The following ZNF451 variants were observed in gnomAD, a reference collection of about 807,000 sequenced individuals.
The protein encoded by ZNF451 is E3 SUMO-protein ligase ZNF451.
Under a neutral mutation model 107.1 loss-of-function variants are expected in ZNF451, and 80 were observed. The observed-to-expected ratio is 0.75, with a 90% CI of 0.62 to 0.90. The LOEUF (loss-of-function observed/expected upper bound fraction) is 0.90, where lower values mean the gene tolerates loss of function less well. ZNF451 is among the 40% of genes least tolerant of loss of function. The pLI, the probability that ZNF451 is intolerant of heterozygous loss-of-function variation, is 0.00. For missense variants in ZNF451, 1,107 were observed against 1,236.2 expected, an observed-to-expected ratio of 0.90 and a Z score of 1.57; for synonymous variants, 362 against 406.5, an observed-to-expected ratio of 0.89 and a Z score of 1.32.
chr6:57,093,525 C>T (rs181601775), intron 2 of ZNF451, among the ~76,000 whole-genome samples: 1 of 152,292 alleles, frequency 6.6e-6, no homozygotes, highest in East Asian at 1.9e-4. Flanking sequence ...ATTTGAAATA[C>T]ATCCTACCCT....
At chr6:57,090,371 G>C (rs1829005250) in intron 1 of ZNF451, 97 bp downstream of exon 1, 6 of 1,545,172 alleles carry the variant, frequency 3.9e-6, no homozygotes, top group Admixed American at 3.9e-5. Context: ...TCGCAGCCTC[G>C]GGGCGATACC....
chr6:57,103,734 T>C (rs892013444), intron 3 of ZNF451: 5 of 985,380 alleles, frequency 5.1e-6, no homozygotes, highest in Non-Finnish European at 6.0e-6. Context: ...GCTAATGGAA[T>C]ATGGCACTGT....
chr6:57,148,428 T>TGAG lies in ZNF451; in HGVS notation c.2350_2352dup (p.Glu784dup), dbSNP rs771994889. On this transcript the variant is annotated inframe_insertion, in exon 10 of 15. Coordinates refer to ENST00000370706, the MANE Select transcript of ZNF451 (RefSeq NM_001031623.3). The stretch of plus-strand genomic sequence containing the variant: ...ATCAAGTGCACAAAGAAAAGAGTGA[T>TGAG]GAGGAGGAGCAGCAGTATGTAATCA... 6.2e-7 allele frequency: 1 copy of TGAG among 1,613,912 alleles called. No homozygotes were observed.
In ZNF451 at chr6:57,124,746, C is replaced by T. The variant is rs773342895; in HGVS notation, c.199C>T (p.Arg67Cys). Residue 67 changes from arginine to cysteine, a missense_variant, in exon 4 of 15, where the codon CGT becomes TGT. By Grantham distance (180) the Arg-to-Cys change is radical (BLOSUM62 -3). Transcript: ENST00000370706. ...TTTCATGTTATAGGAGAATATTAAA[C>T]GTAAAGACCATATTGATTATCAGAA... ...STSYTDENIK[R>C]KDHIDYQKDK... 3.9e-5 allele frequency: 62 copies of T among 1,588,300 alleles called. No homozygotes were observed. The South Asian group carries it at 5.9e-4, about 15-fold the overall frequency.
At chr6:57,112,620 A>G (rs1830162852) in intron 3 of ZNF451, among the ~76,000 whole-genome samples, 1 of 152,190 alleles carries the variant, frequency 6.6e-6, no homozygotes. Flanking sequence ...GTAGGCAGAA[A>G]GTGCCTATGA....
At chr6:57,139,180 A>T (rs1206197425) in intron 7 of ZNF451, among the ~76,000 whole-genome samples, 1 of 152,118 alleles carries the variant, frequency 6.6e-6, no homozygotes, top group Non-Finnish European at 1.5e-5. Context: ...TGTGGCACTC[A>T]TCAAATTAAA....
chr6:57,145,698 A>T (rs1419245944), intron 9 of ZNF451, among the ~76,000 whole-genome samples: 2 of 152,108 alleles, frequency 1.3e-5, no homozygotes, highest in Non-Finnish European at 2.9e-5. Context: ...TCAATAATCC[A>T]TTGATGGACA....
rs368740307 is a variant in ZNF451, at chr6:57,119,045, C to A, written c.187-5689C>A. ...AAGGTGTAGCCTCATACTGAAAATA[C>A]CAATTTGGCCTTTTTATATATGCTT... is the stretch of plus-strand genomic sequence containing the variant. On this transcript the variant is annotated intron_variant, in intron 3 of 14. Transcript: ENST00000370706. Among the ~76,000 whole-genome samples, 13 of 152,212 alleles carry A rather than the reference C, an allele frequency of 8.5e-5. No individual in the cohort carries two copies. The East Asian group carries it at 1.7e-3, about 20-fold the overall frequency.
intron 3 of ZNF451, among the ~76,000 whole-genome samples, chr6:57,112,842 TTCA>T (rs1383968434): frequency 6.6e-6 from 1 of 152,172 alleles, no homozygotes; most frequent in Admixed American, 6.5e-5. Flanking sequence ...AGCTTTTTGG[TTCA>T]TCAAGAACTA....
chr6:57,123,005 T>A (rs1469688291), intron 3 of ZNF451, among the ~76,000 whole-genome samples: 1 of 152,034 alleles, frequency 6.6e-6, no homozygotes, highest in Non-Finnish European at 1.5e-5. Context: ...CAAGCCTCCA[T>A]CTCTACAAGT....
In ZNF451 at chr6:57,124,819, T is replaced by G. The variant is rs767990691; in HGVS notation, c.272T>G (p.Val91Gly). 2 of 1,611,262 alleles carry G rather than the reference T, an allele frequency of 1.2e-6. No individual in the cohort carries two copies. Among genetic ancestry groups the G allele is most frequent in the Non-Finnish European group, 1.7e-6 (2 of 1,178,218 alleles). Residue 91 changes from valine to glycine, a missense_variant, in exon 4 of 15, where the codon GTG becomes GGG. Around this residue, in one of 5 missense-constraint regions of ZNF451, gnomAD observed 339 missense variants for 372.8 expected, o/e 0.91. Transcript: ENST00000370706. ...TLARLARHVE[V>G]EKQQKEEKNR... ...GCTCGTCTAGCCCGCCATGTTGAAG[T>G]GGAGAAACAGCAGAAAGAAGAGAAG...
intron 3 of ZNF451, chr6:57,101,078 A>G (rs956672135): frequency 1.3e-6 from 2 of 1,550,730 alleles, no homozygotes; most frequent in African/African-American, 2.7e-5. Context: ...GTTCCTTGGG[A>G]CATCTCCACC....
chr6:57,141,948 A>T lies in ZNF451; in HGVS notation c.857A>T (p.Asp286Val). ...NHFHQSFKLG[D>V]NKGIAHPISF... is the part of the protein sequence containing the mutation. ...AATTATAGTTTATTTTGTCTTTCAG[A>T]TAACAAAGGAATTGCACATCCAATA... The change falls in exon 9 of 15, where the codon GAT (aspartate) becomes GTT (valine). Residue 286 changes from aspartate (D) to valine (V), a missense_variant and splice_region_variant. Asp to Val is a radical substitution (Grantham distance 152, BLOSUM62 -3). Coordinates refer to ENST00000370706, the MANE Select transcript of ZNF451 (RefSeq NM_001031623.3). The T allele has an allele frequency of 2.5e-6, 4 of 1,612,532 alleles. No individual in the cohort carries two copies. The highest frequency in any genetic ancestry group is 3.4e-6 in the Non-Finnish European group (4 of 1,178,922).
At chr6:57,112,342 GTGA>G (rs1161223676) in intron 3 of ZNF451, among the ~76,000 whole-genome samples, 1 of 152,196 alleles carries the variant, frequency 6.6e-6, no homozygotes, top group Non-Finnish European at 1.5e-5. Context: ...GTCAGATACC[GTGA>G]TGATGTGCAA....
Position 57,163,230 on chromosome 6 carries a change from T to C in ZNF451, c.3139+2078T>C, listed in dbSNP as rs558992779. On this transcript the variant is annotated intron_variant, in intron 14 of 14. Transcript: ENST00000370706. ...TTGTATGGTCAGTGCCTTTCCTAGA[T>C]TGTCCATCTTTAGACACAGCCAACC... 2.7e-4 allele frequency among the ~76,000 whole-genome samples: 41 copies of C among 152,160 alleles called. No individual in the cohort carries two copies. The South Asian group carries it at 6.0e-3, about 22-fold the overall frequency.
intron 3 of ZNF451, chr6:57,115,332 T>G (rs752111164): frequency 1.1e-4 from 17 of 152,224 alleles, no homozygotes; most frequent in Non-Finnish European, 2.2e-4. Context: ...AATGTAAGTT[T>G]AACATTATCA....
intron 3 of ZNF451, chr6:57,108,596 T>G: frequency 1.0e-6 from 1 of 985,384 alleles, no homozygotes; most frequent in Non-Finnish European, 1.2e-6. Context: ...CAGTAGAATA[T>G]AGTTATATAA....
intron 3 of ZNF451, among the ~76,000 whole-genome samples, chr6:57,118,630 A>G (rs768920597): frequency 6.6e-6 from 1 of 152,026 alleles, no homozygotes; most frequent in African/African-American, 2.4e-5. Flanking sequence ...CTATAGGCAC[A>G]TGCCACCACA....
At chr6:57,121,024 T>C (rs980175049) in intron 3 of ZNF451, among the ~76,000 whole-genome samples, 1 of 152,228 alleles carries the variant, frequency 6.6e-6, no homozygotes, top group African/African-American at 2.4e-5. Context: ...GTATCTTGTA[T>C]TTTGTTCTGT....
Sources: allele counts gnomAD v4.1 joint callset (sites outside exome capture counted in the v4.1 genomes callset), GRCh38; gene constraint gnomAD v4.1.1; regional missense constraint gnomAD v4.1.1; transcripts MANE v1.5; gene names NCBI Gene and HGNC (gene_info 2026-07-23, HGNC 2026-07-21).